PCDH15: variants seen among roughly 807,000 people sequenced by gnomAD.
The protein encoded by PCDH15 is protocadherin-15.
A neutral mutation model predicts 178.5 loss-of-function variants in PCDH15; 129 were observed. The ratio of observed to expected loss-of-function variants is 0.72; its 90% CI spans 0.63 to 0.84. The LOEUF (loss-of-function observed/expected upper bound fraction) is 0.84, where lower values mean the gene tolerates loss of function less well. Among genes scored for constraint, PCDH15 ranks in the 40% least tolerant of loss-of-function variants. The pLI is 0.00. For missense variants in PCDH15, 2,230 were observed against 2,099.9 expected (o/e 1.06, Z -1.21); for synonymous variants, 800 against 732.0 (o/e 1.09, Z -1.50).
intron 2 of PCDH15, among the ~76,000 whole-genome samples, chr10:54,588,716 C>T (rs533840914): frequency 1.3e-5 from 2 of 152,188 alleles, no homozygotes; most frequent in African/African-American, 4.8e-5. Context: ...GCTGTGACTA[C>T]AGTTGCATGT....
intron 3 of PCDH15, among the ~76,000 whole-genome samples, chr10:54,877,967 T>G: frequency 2.5e-5 from 1 of 40,670 alleles, no homozygotes; most frequent in African/African-American, 7.9e-5. Context: ...TTTTTTTTTT[T>G]TTTTTTTTTT....
chr10:55,384,141 A>C (rs1837599212), intron 2 of PCDH15, among the ~76,000 whole-genome samples: 1 of 152,178 alleles, frequency 6.6e-6, no homozygotes, highest in Non-Finnish European at 1.5e-5. Context: ...GGACAGTTTT[A>C]GACTTTGTTA....
chr10:54,219,566 T>C (rs142317614), intron 9 of PCDH15, among the ~76,000 whole-genome samples: 7,344 of 135,882 alleles, frequency 0.054, 273 homozygotes, highest in Admixed American at 0.1. Context: ...GCACTCCAGC[T>C]TGGGTAACAG....
At chr10:54,727,214 T>C (rs1170007824) in intron 1 of PCDH15, among the ~76,000 whole-genome samples, 1 of 146,170 alleles carries the variant, frequency 6.8e-6, no homozygotes, top group African/African-American at 2.6e-5. Flanking sequence ...TCTCAACAAA[T>C]TAAAAAAAAC....
At chr10:54,379,506 T>A (rs1187357889) in intron 3 of PCDH15, among the ~76,000 whole-genome samples, 1 of 152,108 alleles carries the variant, frequency 6.6e-6, no homozygotes, top group African/African-American at 2.4e-5. Context: ...CCATTCTTCT[T>A]TAAGACATGT....
intron 2 of PCDH15, among the ~76,000 whole-genome samples, chr10:55,017,415 T>C (rs578155333): frequency 6.6e-6 from 1 of 152,164 alleles, no homozygotes; most frequent in Non-Finnish European, 1.5e-5. Context: ...TTCCCATCTA[T>C]ATATGTTGAG....
At chr10:54,587,593 A>T (rs1400186088) in intron 2 of PCDH15, among the ~76,000 whole-genome samples, 1 of 152,202 alleles carries the variant, frequency 6.6e-6, no homozygotes, top group Admixed American at 6.6e-5. Context: ...TATTGAAAGC[A>T]TCAAAGCATA....
At chr10:53,964,804 C>T (rs997053415) in intron 21 of PCDH15, among the ~76,000 whole-genome samples, 1 of 152,002 alleles carries the variant, frequency 6.6e-6, no homozygotes, top group Non-Finnish European at 1.5e-5. Context: ...CAGAATCAGA[C>T]TTATTATAAT....
chr10:53,992,934 T>C (rs1414188810), intron 21 of PCDH15, among the ~76,000 whole-genome samples: 1 of 152,216 alleles, frequency 6.6e-6, no homozygotes, highest in African/African-American at 2.4e-5. Context: ...TATTCAACAA[T>C]AGTGCTCTCT....
chr10:54,199,622 T>C (rs1564662692), intron 10 of PCDH15, among the ~76,000 whole-genome samples: 1 of 150,904 alleles, frequency 6.6e-6, no homozygotes, highest in East Asian at 1.9e-4. Context: ...AGTGGGCCCA[T>C]GCATCAAAAC....
At chr10:54,266,688 T>C (rs1051521385) in intron 8 of PCDH15, among the ~76,000 whole-genome samples, 4 of 151,834 alleles carry the variant, frequency 2.6e-5, no homozygotes, top group African/African-American at 9.7e-5. Context: ...TGTGCACAAC[T>C]AGATAACCTA....
chr10:54,946,833 C>A (rs1381049197), intron 2 of PCDH15, among the ~76,000 whole-genome samples: 1 of 151,744 alleles, frequency 6.6e-6, no homozygotes, highest in East Asian at 1.9e-4. Context: ...TATCAAATTC[C>A]TTGTGCTCCT....
upstream of PCDH15, among the ~76,000 whole-genome samples, chr10:55,321,924 G>A (rs181838464): frequency 6.6e-5 from 10 of 152,276 alleles, no homozygotes; most frequent in Admixed American, 4.6e-4. Context: ...ATAGACCAGT[G>A]ACACTTTAAA....
At chr10:55,048,095 C>T (rs192109813) in intron 2 of PCDH15, among the ~76,000 whole-genome samples, 1 of 151,876 alleles carries the variant, frequency 6.6e-6, no homozygotes, top group East Asian at 1.9e-4. Context: ...ACTTTGAATG[C>T]TCTGATACTT....
At chr10:55,621,179 T>C (rs991470423) in intron 2 of PCDH15, among the ~76,000 whole-genome samples, 6 of 152,178 alleles carry the variant, frequency 3.9e-5, no homozygotes, top group African/African-American at 1.4e-4. Context: ...ATGAATAGAA[T>C]TTAACTTATA....
chr10:54,841,479 T>A (rs1953415919), intron 3 of PCDH15, among the ~76,000 whole-genome samples: 1 of 151,642 alleles, frequency 6.6e-6, no homozygotes, highest in Admixed American at 6.6e-5. Flanking sequence ...AATACCTAAC[T>A]TTACATATCA....
intron 17 of PCDH15, among the ~76,000 whole-genome samples, chr10:54,068,663 AT>A (rs1275895035): frequency 6.6e-6 from 1 of 152,212 alleles, no homozygotes; most frequent in African/African-American, 2.4e-5. Flanking sequence ...CTACATGGTG[AT>A]AAAAATTAGA....
At chr10:55,276,765 G>T (rs543580721) in intron 1 of PCDH15, among the ~76,000 whole-genome samples, 1 of 151,478 alleles carries the variant, frequency 6.6e-6, no homozygotes, top group Non-Finnish European at 1.5e-5. Context: ...AAAATTGGAC[G>T]CATTATTTCC....
At chr10:54,483,860 G>T (rs74136156) in intron 3 of PCDH15, among the ~76,000 whole-genome samples, 1 of 151,644 alleles carries the variant, frequency 6.6e-6, no homozygotes, top group Non-Finnish European at 1.5e-5. Context: ...AAGATATTTT[G>T]AATGTTTTGA....
Sources: gnomAD v4.1 joint callset for allele counts (sites outside exome capture counted in the v4.1 genomes callset) on GRCh38, gnomAD v4.1.1 for gene constraint, MANE v1.5 for transcripts, NCBI Gene and HGNC (gene_info 2026-07-23, HGNC 2026-07-21) for gene names.